Variants in DPP10 observed in about 807,000 individuals in gnomAD.
DPP10 encodes inactive dipeptidyl peptidase 10.
Under a neutral mutation model 120.9 loss-of-function variants are expected in DPP10, and 33 were observed. The observed-to-expected ratio is 0.27, with a 90% CI of 0.21 to 0.37. The LOEUF (loss-of-function observed/expected upper bound fraction) is 0.37. DPP10 is among the 10% of genes least tolerant of loss of function. DPP10 has a pLI of 1.00. For missense variants in DPP10, 816 were observed against 942.8 expected (o/e 0.87, Z 1.76); for synonymous variants, 337 against 326.1 (o/e 1.03, Z -0.36).
intron 1 of DPP10, among the ~76,000 whole-genome samples, chr2:115,087,169 T>G (rs1287988980): frequency 2.0e-5 from 3 of 152,192 alleles, no homozygotes; most frequent in African/African-American, 7.2e-5. Flanking sequence ...AAAGCAGTTT[T>G]GATCCATAAT....
intron 3 of DPP10, among the ~76,000 whole-genome samples, chr2:115,392,113 T>A (rs1051906131): frequency 6.6e-6 from 1 of 152,218 alleles, no homozygotes; most frequent in Non-Finnish European, 1.5e-5. Flanking sequence ...TTTGCTGATA[T>A]AATAACGTCA....
chr2:115,328,273 C>T (rs2062483852), intron 2 of DPP10, among the ~76,000 whole-genome samples: 1 of 152,028 alleles, frequency 6.6e-6, no homozygotes, highest in Non-Finnish European at 1.5e-5. Context: ...GGAAAGCTTA[C>T]ATACATTTCT....
At chr2:115,702,248 G>A (rs1444241432) in intron 7 of DPP10, among the ~76,000 whole-genome samples, 1 of 151,938 alleles carries the variant, frequency 6.6e-6, no homozygotes, top group Non-Finnish European at 1.5e-5. Context: ...GAGAGTGCTG[G>A]TGGGCATTTA....
intron 1 of DPP10, among the ~76,000 whole-genome samples, chr2:115,248,103 T>A (rs2058612306): frequency 6.6e-6 from 1 of 152,190 alleles, no homozygotes; most frequent in Non-Finnish European, 1.5e-5. Flanking sequence ...TGATGTCATC[T>A]CCATTAGGAG....
chr2:115,426,093 C>T (rs565662572), intron 3 of DPP10, among the ~76,000 whole-genome samples: 33 of 137,638 alleles, frequency 2.4e-4, no homozygotes, highest in Admixed American at 5.2e-4. Context: ...CCACCTCCGA[C>T]GCTGGAGATG....
chr2:115,408,580 T>A (rs976011116), intron 3 of DPP10, among the ~76,000 whole-genome samples: 8 of 152,168 alleles, frequency 5.3e-5, no homozygotes, highest in Non-Finnish European at 8.8e-5. Flanking sequence ...CATTAACAAA[T>A]GTCTCAATAT....
intron 1 of DPP10, among the ~76,000 whole-genome samples, chr2:114,684,827 C>T (rs539611436): frequency 3.3e-5 from 5 of 152,006 alleles, no homozygotes; most frequent in South Asian, 4.2e-4. Flanking sequence ...GATTCATGTG[C>T]GTAGGTCTGA....
chr2:115,342,119 T>A (rs745955444), intron 2 of DPP10: 18 of 454,308 alleles, frequency 4.0e-5, no homozygotes, highest in Non-Finnish European at 6.2e-5. Flanking sequence ...TGATTTTTTC[T>A]GTGAGACATT....
At chr2:115,190,707 T>C (rs547307225) in intron 1 of DPP10, among the ~76,000 whole-genome samples, 1 of 151,556 alleles carries the variant, frequency 6.6e-6, no homozygotes, top group African/African-American at 2.4e-5. Flanking sequence ...GGCTGTGGGG[T>C]TTTGGAAGAG....
chr2:115,637,879 T>C (rs1015273334), intron 5 of DPP10, among the ~76,000 whole-genome samples: 1 of 152,172 alleles, frequency 6.6e-6, no homozygotes, highest in Non-Finnish European at 1.5e-5. Context: ...AGTACCACCC[T>C]TGTACCTGTA....
chr2:114,611,876 C>A (rs1407876318), intron 1 of DPP10, among the ~76,000 whole-genome samples: 1 of 152,122 alleles, frequency 6.6e-6, no homozygotes, highest in Non-Finnish European at 1.5e-5. Flanking sequence ...TAGCTCAGGG[C>A]ATCTAGGAAA....
chr2:115,712,244 T>C (rs1001922166), intron 7 of DPP10, among the ~76,000 whole-genome samples: 13 of 150,530 alleles, frequency 8.6e-5, no homozygotes, highest in African/African-American at 3.2e-4. Flanking sequence ...ATAAGGAGCA[T>C]GCCACCTAGA....
intron 24 of DPP10, among the ~76,000 whole-genome samples, chr2:115,838,444 G>C (rs1689755939): frequency 6.6e-6 from 1 of 152,050 alleles, no homozygotes; most frequent in South Asian, 2.1e-4. Flanking sequence ...ATAAATATTA[G>C]GAAATGATAT....
intron 3 of DPP10, among the ~76,000 whole-genome samples, chr2:115,383,045 G>A (rs908896061): frequency 1.3e-5 from 2 of 152,178 alleles, no homozygotes; most frequent in Non-Finnish European, 2.9e-5. Context: ...AAGTGTTCCA[G>A]AAAAGAATCT....
intron 1 of DPP10, among the ~76,000 whole-genome samples, chr2:114,640,664 G>A (rs1198625240): frequency 6.6e-6 from 1 of 151,802 alleles, no homozygotes; most frequent in Middle Eastern, 3.2e-3. Context: ...TCGACATCAT[G>A]GATGTTGATG....
intron 5 of DPP10, among the ~76,000 whole-genome samples, chr2:115,572,073 T>C (rs2081366209): frequency 6.6e-6 from 1 of 152,180 alleles, no homozygotes; most frequent in Admixed American, 6.5e-5. Flanking sequence ...AAGCTTGATA[T>C]ATTCAAAGAT....
intron 15 of DPP10, among the ~76,000 whole-genome samples, chr2:115,778,330 A>G (rs896471992): frequency 3.3e-5 from 5 of 152,090 alleles, no homozygotes; most frequent in African/African-American, 1.2e-4. Context: ...AGGAGGAGGC[A>G]TCCTTATTTA....
intron 1 of DPP10, among the ~76,000 whole-genome samples, chr2:114,932,086 A>G (rs530558363): frequency 5.9e-5 from 9 of 152,340 alleles, no homozygotes; most frequent in Admixed American, 2.6e-4. Flanking sequence ...TTGTTCATTA[A>G]GTGTCGTCCC....
intron 3 of DPP10, among the ~76,000 whole-genome samples, chr2:115,388,598 T>C (rs148830662): frequency 3.0e-4 from 45 of 152,338 alleles, no homozygotes; most frequent in African/African-American, 1.1e-3. Flanking sequence ...GCTTTTTCTT[T>C]ATATTTGCAA....
Sources: gnomAD v4.1 joint callset for allele counts (sites outside exome capture counted in the v4.1 genomes callset) on GRCh38, gnomAD v4.1.1 for gene constraint, MANE v1.5 for transcripts, NCBI Gene and HGNC (gene_info 2026-07-23, HGNC 2026-07-21) for gene names.